Variants in NGLY1 observed in about 807,000 individuals in gnomAD.
The protein encoded by NGLY1 is peptide-N(4)-(N-acetyl-beta-glucosaminyl)asparagine amidase.
In NGLY1, 68 loss-of-function variants were observed where a neutral mutation model predicts 84.6. The ratio of observed to expected loss-of-function variants is 0.80; its 90% CI spans 0.66 to 0.98. The LOEUF (loss-of-function observed/expected upper bound fraction) is 0.98, where lower values mean the gene tolerates loss of function less well. Among genes scored for constraint, NGLY1 ranks in the 50% least tolerant of loss-of-function variants. NGLY1 has a pLI of 0.00. For synonymous variants in NGLY1, 280 were observed against 275.2 expected, an observed-to-expected ratio of 1.02 and a Z score of -0.17; for missense variants, 779 against 770.2, an observed-to-expected ratio of 1.01 and a Z score of -0.14.
Position 25,732,308 on chromosome 3 carries a change from G to T in NGLY1, c.1425+11C>A. The T allele has an allele frequency of 6.2e-7, 1 of 1,611,702 alleles. No individual in the cohort carries two copies. Among genetic ancestry groups the T allele is most frequent in the Non-Finnish European group, 8.5e-7 (1 of 1,178,670 alleles). The stretch of plus-strand genomic sequence containing the variant: ...AGTAAAAGGATCATCATGCTAGAAT[G>T]AATTAAATACCTGTAGACCCATTTC... On this transcript the variant is annotated intron_variant, in intron 9 of 11. Transcript: ENST00000280700.
At chr3:25,754,867 CAACT>C (rs1034109547) in intron 3 of NGLY1, 1 of 634,346 alleles carries the variant, frequency 1.6e-6, no homozygotes, top group African/African-American at 1.8e-5. Context: ...ATGAAATGAC[CAACT>C]AAGTTAAAGA....
At position 25,783,376 on chromosome 3, in the gene NGLY1, T is replaced by TGCCGCC; in HGVS notation, c.9_14dup (p.Ala4_Ala5dup). ...ACGCCGAGCCTGAGGAGCTGCCCAA[T>TGCCGCC]GCCGCCGCCGCCATGCTTGAGCGCC... On this transcript the variant is annotated inframe_insertion, in exon 1 of 12. Coordinates refer to ENST00000280700, the MANE Select transcript of NGLY1 (RefSeq NM_018297.4). The surrounding 1 kb of genome is among the most constrained non-coding windows in gnomAD (Gnocchi z 4.5). The TGCCGCC allele has an allele frequency of 6.5e-7, 1 of 1,543,752 alleles. No individual in the cohort carries two copies. Among genetic ancestry groups the TGCCGCC allele is most frequent in the African/African-American group, 1.4e-5 (1 of 71,372 alleles).
intron 2 of NGLY1, 39 bp from the exon 3 acceptor site, chr3:25,764,350 T>C (rs1444912598): frequency 6.3e-7 from 1 of 1,589,350 alleles, no homozygotes; most frequent in Non-Finnish European, 8.6e-7. Flanking sequence ...GAACCTTTGC[T>C]TTATGCAGTC....
chr3:25,769,447 T>C (rs1707784413), intron 2 of NGLY1, among the ~76,000 whole-genome samples: 1 of 152,254 alleles, frequency 6.6e-6, no homozygotes, highest in African/African-American at 2.4e-5. Context: ...AACAGGTATA[T>C]GAAAAAATGC....
upstream of NGLY1, among the ~76,000 whole-genome samples, chr3:25,785,067 T>C (rs1708571379): frequency 6.7e-6 from 1 of 149,738 alleles, no homozygotes; most frequent in African/African-American, 2.5e-5. Context: ...CAGACAATAC[T>C]TGAAAATAAA....
At chr3:25,773,544 T>C (rs541703425) in intron 2 of NGLY1, among the ~76,000 whole-genome samples, 2 of 152,332 alleles carry the variant, frequency 1.3e-5, no homozygotes, top group East Asian at 3.9e-4. Context: ...TATCACTCTT[T>C]AAATTTCTTT....
intron 3 of NGLY1, among the ~76,000 whole-genome samples, chr3:25,755,866 G>C: frequency 6.6e-6 from 1 of 152,080 alleles, no homozygotes; most frequent in East Asian, 1.9e-4. Context: ...AAACAGTTAA[G>C]TACTTGTTTC....
At chr3:25,726,013 A>G (rs1310773446) in intron 10 of NGLY1, among the ~76,000 whole-genome samples, 3 of 152,206 alleles carry the variant, frequency 2.0e-5, no homozygotes, top group African/African-American at 4.8e-5. Flanking sequence ...ATATTTGACA[A>G]TGTGCATATT....
chr3:25,766,229 G>C (rs997502295), intron 2 of NGLY1, among the ~76,000 whole-genome samples: 3 of 151,752 alleles, frequency 2.0e-5, no homozygotes, highest in Non-Finnish European at 4.4e-5. Context: ...CCACACCTGG[G>C]TAATTTTTGT....
chr3:25,740,044 T>C (rs1372183529), intron 4 of NGLY1, among the ~76,000 whole-genome samples: 2 of 152,312 alleles, frequency 1.3e-5, no homozygotes, highest in Admixed American at 1.3e-4. Flanking sequence ...ACTGACATTA[T>C]GCATTAACAA....
At chr3:25,749,944 C>CAAA (rs3080321) in intron 4 of NGLY1, 2 of 480,954 alleles carry the variant, frequency 4.2e-6, no homozygotes, top group South Asian at 2.5e-5. Flanking sequence ...TAAAAACTGC[C>CAAA]AAAAAAAAAA....
chr3:25,741,545 G>C (rs1001046262), intron 4 of NGLY1, among the ~76,000 whole-genome samples: 3 of 151,942 alleles, frequency 2.0e-5, no homozygotes, highest in South Asian at 2.1e-4. Context: ...ATGACTTTGG[G>C]TTAGGAAGGT....
chr3:25,774,546 T>A (rs1708063803), intron 2 of NGLY1, among the ~76,000 whole-genome samples: 1 of 152,000 alleles, frequency 6.6e-6, no homozygotes, highest in Admixed American at 6.6e-5. Context: ...CTCTGCTGCA[T>A]CATACAGGTC....
At chr3:25,773,318 T>C (rs1483329600) in intron 2 of NGLY1, among the ~76,000 whole-genome samples, 2 of 152,242 alleles carry the variant, frequency 1.3e-5, no homozygotes, top group East Asian at 3.9e-4. Context: ...GGGGCTTTGA[T>C]CATTTTTAAA....
At chr3:25,769,321 A>G (rs1277011855) in intron 2 of NGLY1, among the ~76,000 whole-genome samples, 1 of 152,218 alleles carries the variant, frequency 6.6e-6, no homozygotes, top group Non-Finnish European at 1.5e-5. Flanking sequence ...AGATTGTGCC[A>G]CTAGACTCCA....
At chr3:25,785,412 C>T (rs186877911), upstream of NGLY1, among the ~76,000 whole-genome samples, 702 of 152,100 alleles carry the variant, frequency 4.6e-3, 3 homozygotes, top group Admixed American at 8.2e-3. Flanking sequence ...AACTTTATTC[C>T]TCTTAATTTG....
At chr3:25,746,433 T>C (rs190993748) in intron 4 of NGLY1, among the ~76,000 whole-genome samples, 2 of 152,354 alleles carry the variant, frequency 1.3e-5, no homozygotes, top group Admixed American at 6.5e-5. Context: ...CATACTCCAA[T>C]GTGATGAAGT....
At position 25,739,803 on chromosome 3, in the gene NGLY1, A is replaced by G; in HGVS notation, c.659-4T>C. 6.2e-7 allele frequency: 1 copy of G among 1,610,712 alleles called. No homozygotes were observed. On this transcript the variant is annotated splice_polypyrimidine_tract_variant and splice_region_variant and intron_variant, in intron 4 of 11. Transcript: ENST00000280700. ...TCCTCATCACTTATATTGATACCTGAGAAATTAAGGGAGGACCAAGTAAGA... is the reference window on the plus strand; with the variant it reads ...TCCTCATCACTTATATTGATACCTGGGAAATTAAGGGAGGACCAAGTAAGA...
At chr3:25,739,884 T>A in intron 4 of NGLY1, 85 bp from the exon 5 acceptor site, 1 of 946,718 alleles carries the variant, frequency 1.1e-6, no homozygotes, top group Non-Finnish European at 1.6e-6. Flanking sequence ...AATACGAACC[T>A]GAAAAATATG....
Sources: allele counts gnomAD v4.1 joint callset (sites outside exome capture counted in the v4.1 genomes callset), GRCh38; gene constraint gnomAD v4.1.1; non-coding constraint Gnocchi (gnomAD v3.1); transcripts MANE v1.5; gene names NCBI Gene and HGNC (gene_info 2026-07-23, HGNC 2026-07-21).